The following SHROOM4 variants were observed in gnomAD, a reference collection of about 807,000 sequenced individuals.
SHROOM4 encodes the protein shroom family member 4, also known as protein Shroom4.
In SHROOM4, 17 loss-of-function variants were observed where a neutral mutation model predicts 80.3. The ratio of observed to expected loss-of-function variants is 0.21; its 90% CI spans 0.14 to 0.32. SHROOM4 has a LOEUF of 0.32. Among genes scored for constraint, SHROOM4 ranks in the 10% least tolerant of loss-of-function variants. The pLI is 1.00. For synonymous variants in SHROOM4, 400 were observed against 437.5 expected, an observed-to-expected ratio of 0.91 and a Z score of 1.07; for missense variants, 993 against 1,140.3, an observed-to-expected ratio of 0.87 and a Z score of 1.86.
intron 1 of SHROOM4, among the ~76,000 whole-genome samples, chrX:50,787,342 A>T (rs946881692): frequency 9.0e-6 from 1 of 111,551 alleles, no homozygotes; most frequent in South Asian, 3.8e-4. Context: ...AGTTGAAGAC[A>T]AGTCGTTGGT....
intron 1 of SHROOM4, among the ~76,000 whole-genome samples, chrX:50,813,154 C>A (rs782303829): frequency 1.2e-5 from 1 of 80,977 alleles, no homozygotes; most frequent in Non-Finnish European, 2.5e-5. Context: ...GCGGCGGCGG[C>A]GGCAGTGGCG....
intron 1 of SHROOM4, among the ~76,000 whole-genome samples, chrX:50,739,255 C>T: frequency 9.0e-6 from 1 of 111,562 alleles, no homozygotes; most frequent in East Asian, 2.8e-4. Flanking sequence ...CAATACCATT[C>T]AGGACATAGG....
rs782252053 is a variant in SHROOM4 at position 50,633,995 on chromosome X, T to C, written c.2078A>G (p.Gln693Arg). ...GRISPGQRPG[Q>R]SSLGLNTWWK... The stretch of plus-strand genomic sequence containing the variant: ...CCAGGTGTTCAGGCCCAAAGAGGAC[T>C]GGCCAGGCCTCTGGCCAGGGCTTAT... The change falls in exon 4 of 9, where the codon CAG becomes CGG. Residue 693 changes from glutamine (Q) to arginine (R), a missense_variant. By Grantham distance (43) the Gln-to-Arg change is conservative. Transcript: ENST00000376020. 6 of 1,211,899 alleles carry C rather than the reference T, an allele frequency of 5.0e-6. No homozygotes were observed. Among genetic ancestry groups the C allele is most frequent in the East Asian group, 3.0e-5 (1 of 33,817 alleles).
In SHROOM4 at chrX:50,727,900, G is replaced by A. The variant is rs782320414; in HGVS notation, c.118-31963C>T. Among the ~76,000 whole-genome samples, 7 of 111,994 alleles carry A rather than the reference G, an allele frequency of 6.3e-5. No homozygotes were observed. The South Asian group carries it at 2.7e-3, about 43-fold the overall frequency. ...CAGCTTCTGCCCAGAGGGAGAGGCA[G>A]GTAATAAAAACAGAAGGCTTTAGCA... On this transcript the variant is annotated intron_variant, in intron 1 of 8. Coordinates refer to ENST00000376020, the MANE Select transcript of SHROOM4 (RefSeq NM_020717.5).
chrX:50,652,161 A>G (rs782431240), intron 2 of SHROOM4, among the ~76,000 whole-genome samples: 13 of 111,845 alleles, frequency 1.2e-4, no homozygotes, highest in East Asian at 5.6e-4. Context: ...TCGCCACACT[A>G]TCTTCCACAA....
intron 1 of SHROOM4, among the ~76,000 whole-genome samples, chrX:50,717,523 A>T (rs1933995750): frequency 8.9e-6 from 1 of 112,360 alleles, no homozygotes; most frequent in Non-Finnish European, 1.9e-5. Flanking sequence ...ACCTGGCTTG[A>T]AGCCATGTTA....
chrX:50,602,077 G>A (rs1388560032), intron 7 of SHROOM4, among the ~76,000 whole-genome samples: 1 of 109,894 alleles, frequency 9.1e-6, no homozygotes, highest in Admixed American at 9.6e-5. Context: ...TTGTTGGGCT[G>A]TTCTTTTCTT....
intron 1 of SHROOM4, among the ~76,000 whole-genome samples, chrX:50,792,655 A>G (rs900548765): frequency 9.0e-6 from 1 of 110,541 alleles, no homozygotes; most frequent in Non-Finnish European, 1.9e-5. Flanking sequence ...TGGGCAAAGG[A>G]CTTGAGTAAA....
At chrX:50,578,303 T>TTA in the SHROOM4 span, among the ~76,000 whole-genome samples, 2 of 108,376 alleles carry the variant, frequency 1.8e-5, no homozygotes, top group African/African-American at 6.7e-5. Flanking sequence ...TTAATTAATT[T>TTA]ATTTATTTTT....
At chrX:50,746,881 C>T (rs1557267637) in intron 1 of SHROOM4, among the ~76,000 whole-genome samples, 1 of 112,136 alleles carries the variant, frequency 8.9e-6, no homozygotes, top group African/African-American at 3.2e-5. Flanking sequence ...AATGATATGG[C>T]AACTCCAGCA....
chrX:50,608,086 G>A lies in SHROOM4; in HGVS notation c.3056C>T (p.Ser1019Phe), dbSNP rs1557249100. 8.3e-7 allele frequency: 1 copy of A among 1,211,492 alleles called. No homozygotes were observed. Among genetic ancestry groups the A allele is most frequent in the Admixed American group, 2.2e-5 (1 of 46,007 alleles). The change falls in exon 6 of 9, where the codon TCT becomes TTT. Residue 1019 changes from serine to phenylalanine, a missense_variant. Coordinates refer to ENST00000376020, the MANE Select transcript of SHROOM4 (RefSeq NM_020717.5). ...ALDLSSYRAI[S>F]SLDLLGDFKH... ...GAAGTCTCCAAGGAGGTCAAGAGAA[G>A]AAATTGCTCGGTAGCTTGACAAGTC...
intron 1 of SHROOM4, among the ~76,000 whole-genome samples, chrX:50,757,219 G>T (rs1557268450): frequency 8.9e-6 from 1 of 112,122 alleles, no homozygotes; most frequent in East Asian, 2.8e-4. Flanking sequence ...ATATTCTACC[G>T]CCTGAACACC....
chrX:50,602,220 C>G (rs1929456760), intron 7 of SHROOM4, among the ~76,000 whole-genome samples: 1 of 109,413 alleles, frequency 9.1e-6, no homozygotes, highest in Non-Finnish European at 1.9e-5. Flanking sequence ...GCCTCCCGAG[C>G]AGCTGAGATT....
At chrX:50,631,544 A>G (rs1302196710) in intron 4 of SHROOM4, among the ~76,000 whole-genome samples, 1 of 112,144 alleles carries the variant, frequency 8.9e-6, no homozygotes, top group Non-Finnish European at 1.9e-5. Context: ...TCTCCCAGAA[A>G]AGGGCATGTA....
chrX:50,670,309 T>C (rs1932782922), intron 2 of SHROOM4, among the ~76,000 whole-genome samples: 1 of 106,827 alleles, frequency 9.4e-6, no homozygotes, highest in Non-Finnish European at 1.9e-5. Flanking sequence ...CCTCCCTGTG[T>C]CCATGTGTTC....
chrX:50,653,514 G>T (rs1305963124), intron 2 of SHROOM4, among the ~76,000 whole-genome samples: 1 of 111,869 alleles, frequency 8.9e-6, no homozygotes, highest in East Asian at 2.8e-4. Flanking sequence ...TCAGCAAACA[G>T]AGACAATTTG....
chrX:50,761,688 G>A (rs1461362834), intron 1 of SHROOM4, among the ~76,000 whole-genome samples: 2 of 110,824 alleles, frequency 1.8e-5, no homozygotes, highest in African/African-American at 3.3e-5. Context: ...TCAACCTCCC[G>A]AGTAGCTAGG....
chrX:50,657,936 A>C (rs1205851474), intron 2 of SHROOM4, among the ~76,000 whole-genome samples: 1 of 112,369 alleles, frequency 8.9e-6, no homozygotes, highest in Non-Finnish European at 1.9e-5. Flanking sequence ...GGAGGGGATT[A>C]GGCATTGAGG....
At chrX:50,790,099 A>G (rs1935824977) in intron 1 of SHROOM4, among the ~76,000 whole-genome samples, 1 of 112,229 alleles carries the variant, frequency 8.9e-6, no homozygotes, top group African/African-American at 3.2e-5. Context: ...AAAATATGGT[A>G]TTACAATCTT....
Sources: gnomAD v4.1 joint callset for allele counts (sites outside exome capture counted in the v4.1 genomes callset) on GRCh38, gnomAD v4.1.1 for gene constraint, MANE v1.5 for transcripts, NCBI Gene and HGNC (gene_info 2026-07-23, HGNC 2026-07-21) for gene names.